EPB42: variants seen among roughly 807,000 people sequenced by gnomAD.
The protein encoded by EPB42 is protein 4.2.
EPB42 carries 49 observed loss-of-function variants against 76.9 expected under a neutral mutation model. That is an observed-to-expected ratio of 0.64 (90% CI 0.51 to 0.81). The LOEUF (loss-of-function observed/expected upper bound fraction) is 0.81, where lower values mean the gene tolerates loss of function less well. Among genes scored for constraint, EPB42 ranks in the 30% least tolerant of loss-of-function variants. EPB42 has a pLI of 0.00. For synonymous variants in EPB42, 310 were observed against 338.4 expected, an observed-to-expected ratio of 0.92 and a Z score of 0.92; for missense variants, 731 against 867.6, an observed-to-expected ratio of 0.84 and a Z score of 1.98.
At position 43,206,523 on chromosome 15, in the gene EPB42, C is replaced by T; in HGVS notation, c.1425G>A (p.Leu475=). 6.2e-7 allele frequency: 1 copy of T among 1,614,074 alleles called. No individual in the cohort carries two copies. Among genetic ancestry groups the T allele is most frequent in the Non-Finnish European group, 8.5e-7 (1 of 1,179,912 alleles). The change falls in exon 10 of 13, where the codon CTG becomes CTA. Residue 475 remains leucine, a synonymous_variant. Transcript: ENST00000441366. This position sits in a 1 kb window ranked among gnomAD's most constrained non-coding sequence, Gnocchi z 4.7. ...AGCTGGGTGCTTTCAAGAGCAGGTACAGAGGACTGGCAGTCTCGAGACTGG... is the reference window on the plus strand; with the variant it reads ...AGCTGGGTGCTTTCAAGAGCAGGTATAGAGGACTGGCAGTCTCGAGACTGG... ...RPPSLETASP[L]YLLLKAPSSL...
intron 10 of EPB42, 84 bp from the exon 11 acceptor site, chr15:43,203,359 C>T: frequency 6.4e-7 from 1 of 1,554,700 alleles, no homozygotes; most frequent in Non-Finnish European, 8.8e-7. Flanking sequence ...ATACAAAGGA[C>T]TCAGGGCCTC....
chr15:43,214,742 T>A (rs913565486), intron 3 of EPB42, among the ~76,000 whole-genome samples: 1 of 152,070 alleles, frequency 6.6e-6, no homozygotes, highest in Non-Finnish European at 1.5e-5. Flanking sequence ...CCTCTCCAGT[T>A]CTCACCCCTG....
At chr15:43,220,678 C>T (rs772469618) in intron 1 of EPB42, 138 bp downstream of exon 1, 1 of 1,277,800 alleles carries the variant, frequency 7.8e-7, no homozygotes. Flanking sequence ...CTCATTATCA[C>T]CAGTACCCCC....
chr15:43,214,973 G>T, intron 3 of EPB42, 122 bp downstream of exon 3: 3 of 835,606 alleles, frequency 3.6e-6, no homozygotes, highest in Non-Finnish European at 6.0e-6. Flanking sequence ...ACTGGGTGTT[G>T]GTGCTGTCCT....
chr15:43,214,441 G>C (rs532129795), intron 3 of EPB42, among the ~76,000 whole-genome samples: 1 of 152,268 alleles, frequency 6.6e-6, no homozygotes. Flanking sequence ...GGGGGGTCTG[G>C]AGAGCGCCCA....
intron 11 of EPB42, 31 bp from the exon 12 acceptor site, chr15:43,202,008 G>T (rs1235748468): frequency 6.2e-7 from 1 of 1,613,198 alleles, no homozygotes; most frequent in African/African-American, 1.3e-5. Context: ...TGGTGTGGAT[G>T]CCAAGGGCAC....
At chr15:43,216,183 T>C in intron 2 of EPB42, 85 bp downstream of exon 2, 1 of 1,536,132 alleles carries the variant, frequency 6.5e-7, no homozygotes. Flanking sequence ...GGGCCATTTG[T>C]CCCTTGATTC....
chr15:43,214,974 G>T (rs1408458638), intron 3 of EPB42, 121 bp downstream of exon 3: 5 of 845,978 alleles, frequency 5.9e-6, no homozygotes, highest in African/African-American at 1.7e-5. Context: ...CTGGGTGTTG[G>T]TGCTGTCCTT....
intron 12 of EPB42, among the ~76,000 whole-genome samples, chr15:43,201,580 C>T (rs2042126273): frequency 1.3e-5 from 2 of 152,210 alleles, no homozygotes; most frequent in Non-Finnish European, 2.9e-5. Flanking sequence ...ACAGCAACAC[C>T]CAGGCTCTCC....
At chr15:43,209,498 A>G in intron 5 of EPB42, 47 bp from the exon 6 acceptor site, 6 of 1,578,506 alleles carry the variant, frequency 3.8e-6, no homozygotes, top group Non-Finnish European at 5.2e-6. Flanking sequence ...CTTGGGCAGG[A>G]CAGCTTCCAG....
At chr15:43,207,051 T>A in intron 9 of EPB42, 148 bp downstream of exon 9, 11 of 1,182,460 alleles carry the variant, frequency 9.3e-6, no homozygotes, top group Non-Finnish European at 1.3e-5. Flanking sequence ...GGCCCAAATG[T>A]CAATGGTGTC....
chr15:43,221,896 A>G (rs2042465055), upstream of EPB42, among the ~76,000 whole-genome samples: 1 of 151,606 alleles, frequency 6.6e-6, no homozygotes, highest in Admixed American at 6.6e-5. Context: ...TAATCCCAGC[A>G]CTTTGGGAAG....
intron 12 of EPB42, among the ~76,000 whole-genome samples, chr15:43,199,338 A>G (rs894856677): frequency 2.0e-5 from 3 of 152,288 alleles, no homozygotes; most frequent in Admixed American, 2.0e-4. Context: ...CTCTTGCATT[A>G]TTGTGACCTA....
At chr15:43,215,644 T>C (rs923050199) in intron 2 of EPB42, among the ~76,000 whole-genome samples, 1 of 152,248 alleles carries the variant, frequency 6.6e-6, no homozygotes, top group Non-Finnish European at 1.5e-5. Flanking sequence ...CAATAAACAG[T>C]AGCAATTAAA....
intron 12 of EPB42, among the ~76,000 whole-genome samples, chr15:43,199,408 T>C (rs2042095099): frequency 6.6e-6 from 1 of 152,212 alleles, no homozygotes; most frequent in Non-Finnish European, 1.5e-5. Flanking sequence ...ATTTTGGACT[T>C]GCATGGGCCC....
chr15:43,211,998 T>A (rs932820441), intron 3 of EPB42, among the ~76,000 whole-genome samples: 1 of 151,702 alleles, frequency 6.6e-6, no homozygotes. Context: ...GCCCAGGAGT[T>A]TGAGGTTGCA....
At chr15:43,200,584 A>G (rs766057946) in intron 12 of EPB42, among the ~76,000 whole-genome samples, 12 of 152,216 alleles carry the variant, frequency 7.9e-5, no homozygotes, top group Non-Finnish European at 1.6e-4. Context: ...AAGAGTTGCA[A>G]TTAAAATAAT....
chr15:43,223,275 G>A (rs2042478723), upstream of EPB42, among the ~76,000 whole-genome samples: 2 of 152,116 alleles, frequency 1.3e-5, no homozygotes, highest in Non-Finnish European at 2.9e-5. Flanking sequence ...CTGAAACTGG[G>A]CCACTGTGCT....
chr15:43,220,732 T>C (rs1252984061), intron 1 of EPB42, 84 bp downstream of exon 1: 8 of 1,414,932 alleles, frequency 5.7e-6, no homozygotes, highest in Non-Finnish European at 6.6e-6. Flanking sequence ...CTACCATCCA[T>C]CCCACTTCCT....
Sources: gnomAD v4.1 joint callset for allele counts (sites outside exome capture counted in the v4.1 genomes callset) on GRCh38, gnomAD v4.1.1 for gene constraint, Gnocchi (gnomAD v3.1) non-coding constraint, MANE v1.5 for transcripts, NCBI Gene and HGNC (gene_info 2026-07-23, HGNC 2026-07-21) for gene names.